ACBD6: variants seen among roughly 807,000 people sequenced by gnomAD.
The protein encoded by ACBD6 is acyl-CoA-binding domain-containing protein 6.
A neutral mutation model predicts 37.2 loss-of-function variants in ACBD6; 28 were observed. That is an observed-to-expected ratio of 0.75 (90% confidence interval 0.56 to 1.03). The LOEUF (loss-of-function observed/expected upper bound fraction) is 1.03. Among genes scored for constraint, ACBD6 ranks in the 50% least tolerant of loss-of-function variants. The pLI is 0.00. For missense variants in ACBD6, 340 were observed against 337.4 expected (o/e 1.01, Z -0.06); for synonymous variants, 113 against 126.8 (o/e 0.89, Z 0.73).
intron 7 of ACBD6, among the ~76,000 whole-genome samples, chr1:180,289,545 A>AT (rs1649619737): frequency 6.6e-6 from 1 of 152,202 alleles, no homozygotes; most frequent in Non-Finnish European, 1.5e-5. Flanking sequence ...TTACAGGTTA[A>AT]ACCTAAACAC....
intron 6 of ACBD6, among the ~76,000 whole-genome samples, chr1:180,321,076 C>T (rs1651051885): frequency 6.6e-6 from 1 of 151,974 alleles, no homozygotes; most frequent in Non-Finnish European, 1.5e-5. Context: ...GTTTTTGGTA[C>T]TTTTGTTGAA....
intron 1 of ACBD6, among the ~76,000 whole-genome samples, chr1:180,498,628 T>A (rs183505419): frequency 2.4e-4 from 36 of 152,130 alleles, no homozygotes; most frequent in Middle Eastern, 3.4e-3. Flanking sequence ...CCAAGGCAGG[T>A]GGATCACCTG....
At chr1:180,463,969 T>C (rs1192142799) in intron 3 of ACBD6, among the ~76,000 whole-genome samples, 1 of 152,180 alleles carries the variant, frequency 6.6e-6, no homozygotes, top group Non-Finnish European at 1.5e-5. Context: ...ATTATCTCAA[T>C]AGATGCAGAA....
intron 6 of ACBD6, among the ~76,000 whole-genome samples, chr1:180,374,935 T>C (rs1653381452): frequency 6.6e-6 from 1 of 152,060 alleles, no homozygotes; most frequent in African/African-American, 2.4e-5. Flanking sequence ...GAAAAAAATG[T>C]AAAACTCCTG....
intron 9 of ACBD6, chr1:180,276,099 C>T (rs1452227120): frequency 6.6e-6 from 1 of 152,034 alleles, no homozygotes; most frequent in Non-Finnish European, 1.5e-5. Flanking sequence ...GCTGTGTTTG[C>T]TTCTTCTGGC....
At chr1:180,295,603 G>C (rs1275376518) in intron 7 of ACBD6, among the ~76,000 whole-genome samples, 1 of 151,116 alleles carries the variant, frequency 6.6e-6, no homozygotes, top group Admixed American at 6.6e-5. Context: ...TGTTCATTTT[G>C]TGTCTCTGTG....
intron 6 of ACBD6, among the ~76,000 whole-genome samples, chr1:180,391,261 G>A (rs1384284537): frequency 1.3e-5 from 2 of 151,952 alleles, no homozygotes; most frequent in African/African-American, 4.8e-5. Flanking sequence ...TCTTTGATTA[G>A]ACAATGATTT....
Position 180,288,333 on chromosome 1 carries a change from A to AT in ACBD6, c.*29dup. Reference sequence around the variant, plus strand: ...TCTTTCATAATGGAAGCCTTATGCTATTACAGACTGCAGTTTTCCAGTCTT... The same window carrying AT: ...TCTTTCATAATGGAAGCCTTATGCTATTTACAGACTGCAGTTTTCCAGTCTT... On this transcript the variant is annotated 3_prime_UTR_variant, in exon 8 of 8. Coordinates refer to ENST00000367595, the MANE Select transcript of ACBD6 (RefSeq NM_032360.4). The AT allele has an allele frequency of 1.2e-6, 2 of 1,613,332 alleles. No homozygotes were observed. Among genetic ancestry groups the AT allele is most frequent in the Non-Finnish European group, 1.7e-6 (2 of 1,179,842 alleles).
intron 6 of ACBD6, among the ~76,000 whole-genome samples, chr1:180,333,630 C>T (rs554073043): frequency 6.6e-6 from 1 of 152,258 alleles, no homozygotes; most frequent in South Asian, 2.1e-4. Flanking sequence ...AACTGAGGTA[C>T]CGGGGTCATC....
intron 7 of ACBD6, among the ~76,000 whole-genome samples, chr1:180,290,954 C>T (rs1324312333): frequency 1.3e-5 from 2 of 152,144 alleles, no homozygotes; most frequent in Non-Finnish European, 2.9e-5. Context: ...TGGCAAGCAC[C>T]GATCTGATTT....
At chr1:180,317,780 T>A (rs1397195805) in intron 6 of ACBD6, among the ~76,000 whole-genome samples, 1 of 151,876 alleles carries the variant, frequency 6.6e-6, no homozygotes, top group South Asian at 2.1e-4. Context: ...TAAACAAGAG[T>A]CTTCACTAAC....
At position 180,339,188 on chromosome 1, in the gene ACBD6, C is replaced by A. The variant is rs796798618; in HGVS notation, c.664-24466G>T. On this transcript the variant is annotated intron_variant, in intron 6 of 7. Coordinates refer to ENST00000367595, the MANE Select transcript of ACBD6 (RefSeq NM_032360.4). Reference sequence around the variant, plus strand: ...CAGCCATCCCATTACTGGGTATATACCCAAAGGAGTATAAATCATGCTGCT... The same window carrying A: ...CAGCCATCCCATTACTGGGTATATAACCAAAGGAGTATAAATCATGCTGCT... Among the ~76,000 whole-genome samples the A allele has an allele frequency of 8.0e-4, 122 of 152,268 alleles. 1 individual carries two copies. The highest frequency in any genetic ancestry group is 2.8e-3 in the African/African-American group (118 of 41,552).
At chr1:180,301,252 T>C (rs1650118189) in intron 7 of ACBD6, among the ~76,000 whole-genome samples, 1 of 152,158 alleles carries the variant, frequency 6.6e-6, no homozygotes, top group South Asian at 2.1e-4. Context: ...TCATATACAG[T>C]TGAGTCTTGA....
At chr1:180,293,017 G>C (rs1649776689) in intron 7 of ACBD6, among the ~76,000 whole-genome samples, 1 of 152,130 alleles carries the variant, frequency 6.6e-6, no homozygotes. Flanking sequence ...TGTTCATATG[G>C]TGAAATACTA....
At chr1:180,306,157 G>T (rs1650359537) in intron 7 of ACBD6, among the ~76,000 whole-genome samples, 2 of 151,054 alleles carry the variant, frequency 1.3e-5, no homozygotes, top group South Asian at 4.2e-4. Flanking sequence ...TAAATGATGA[G>T]TTGATGGGTG....
At chr1:180,292,231 G>A (rs61811561) in intron 7 of ACBD6, among the ~76,000 whole-genome samples, 2,286 of 152,180 alleles carry the variant, frequency 0.015, 23 homozygotes, top group Non-Finnish European at 0.021. Flanking sequence ...TTCTGATTGG[G>A]ACCCCGCTGA....
intron 3 of ACBD6, among the ~76,000 whole-genome samples, chr1:180,442,132 T>C (rs1649305206): frequency 6.6e-6 from 1 of 152,238 alleles, no homozygotes. Flanking sequence ...TAGTTCTACC[T>C]TGTTTATCTT....
chr1:180,336,947 C>G (rs1401758126), intron 6 of ACBD6, among the ~76,000 whole-genome samples: 1 of 152,144 alleles, frequency 6.6e-6, no homozygotes, highest in Non-Finnish European at 1.5e-5. Flanking sequence ...CCTCCCAAGA[C>G]TAAACCAGGA....
At chr1:180,363,189 T>C (rs1652911115) in intron 6 of ACBD6, among the ~76,000 whole-genome samples, 1 of 152,220 alleles carries the variant, frequency 6.6e-6, no homozygotes, top group Non-Finnish European at 1.5e-5. Context: ...TGGCCACAAA[T>C]TGGTAATTGC....
Sources: gnomAD v4.1 joint callset for allele counts (sites outside exome capture counted in the v4.1 genomes callset) on GRCh38, gnomAD v4.1.1 for gene constraint, MANE v1.5 for transcripts, NCBI Gene and HGNC (gene_info 2026-07-23, HGNC 2026-07-21) for gene names.